Variants in SLCO1A2 observed in about 807,000 individuals in gnomAD.
The protein encoded by SLCO1A2 is solute carrier organic anion transporter family member 1A2, also known as OATP-1.
Under a neutral mutation model 69.0 loss-of-function variants are expected in SLCO1A2, and 67 were observed. The observed-to-expected ratio is 0.97, with a 90% CI of 0.80 to 1.19. SLCO1A2 has a LOEUF of 1.19. Ranked by LOEUF, SLCO1A2 falls within the 50% of genes most tolerant of loss-of-function variation. The pLI, the probability that SLCO1A2 is intolerant of heterozygous loss-of-function variation, is 0.00. For missense variants in SLCO1A2, 787 were observed against 793.7 expected (o/e 0.99, Z 0.10); for synonymous variants, 260 against 265.9 (o/e 0.98, Z 0.22).
chr12:21,312,708 G>A (rs1250603926), intron 4 of SLCO1A2, among the ~76,000 whole-genome samples: 1 of 152,020 alleles, frequency 6.6e-6, no homozygotes, highest in Admixed American at 6.6e-5. Context: ...GGGGGCCCAA[G>A]GAAAGGGCAA....
At chr12:21,347,669 A>AAGGAAGGAAGG (rs1555122068) in intron 2 of SLCO1A2, among the ~76,000 whole-genome samples, 2,286 of 113,466 alleles carry the variant, frequency 0.02, 59 homozygotes, top group African/African-American at 0.055. Flanking sequence ...AGAAAGAAAG[A>AAGGAAGGAAGG]AAGGAAGGAA....
At chr12:21,378,281 C>A (rs761079012) in intron 1 of SLCO1A2, 1 of 1,614,176 alleles carries the variant, frequency 6.2e-7, no homozygotes. Context: ...ACATGTGCAA[C>A]GCAGCGCCTG....
chr12:21,328,240 T>C (rs771539367), intron 2 of SLCO1A2, among the ~76,000 whole-genome samples: 7 of 152,054 alleles, frequency 4.6e-5, no homozygotes, highest in Non-Finnish European at 8.8e-5. Flanking sequence ...ATATCTTCCT[T>C]TGAAATAGAT....
At chr12:21,341,375 T>C (rs980111632) in intron 2 of SLCO1A2, among the ~76,000 whole-genome samples, 3 of 152,060 alleles carry the variant, frequency 2.0e-5, no homozygotes, top group African/African-American at 7.2e-5. Flanking sequence ...TATGCTGTTT[T>C]CCACAAGGAT....
intron 1 of SLCO1A2, among the ~76,000 whole-genome samples, chr12:21,382,355 A>T (rs1940638522): frequency 6.6e-6 from 1 of 152,196 alleles, no homozygotes; most frequent in South Asian, 2.1e-4. Flanking sequence ...GGGGCCAGGA[A>T]TAAAGAACCA....
intron 12 of SLCO1A2, among the ~76,000 whole-genome samples, chr12:21,291,876 A>C (rs1347984440): frequency 6.6e-6 from 1 of 152,116 alleles, no homozygotes; most frequent in East Asian, 1.9e-4. Context: ...GGCCTACCCT[A>C]AGATATAAAT....
At chr12:21,330,163 C>T (rs1952511704) in intron 2 of SLCO1A2, among the ~76,000 whole-genome samples, 1 of 151,866 alleles carries the variant, frequency 6.6e-6, no homozygotes, top group African/African-American at 2.4e-5. Context: ...TTTTCATTTG[C>T]CTATTTTCAA....
intron 2 of SLCO1A2, among the ~76,000 whole-genome samples, chr12:21,341,991 T>G (rs1262292443): frequency 6.6e-6 from 1 of 152,022 alleles, no homozygotes; most frequent in Admixed American, 6.6e-5. Flanking sequence ...GACTCACCTA[T>G]CCTTCCCTTT....
chr12:21,407,251 G>T (rs1941836132), intron 1 of SLCO1A2, among the ~76,000 whole-genome samples: 1 of 152,166 alleles, frequency 6.6e-6, no homozygotes, highest in Non-Finnish European at 1.5e-5. Flanking sequence ...CAAGCGTGGG[G>T]ATCAGCAAAT....
intron 1 of SLCO1A2, among the ~76,000 whole-genome samples, chr12:21,387,922 G>C (rs1940964782): frequency 6.6e-6 from 1 of 152,184 alleles, no homozygotes. Context: ...GGCCATGGAA[G>C]CCCACCTCTT....
At chr12:21,367,068 T>C (rs953899422) in intron 2 of SLCO1A2, among the ~76,000 whole-genome samples, 1 of 152,052 alleles carries the variant, frequency 6.6e-6, no homozygotes, top group Non-Finnish European at 1.5e-5. Context: ...TTTAAATATA[T>C]CAGGAATACA....
chr12:21,289,994 C>G (rs370799711), intron 12 of SLCO1A2, among the ~76,000 whole-genome samples: 1 of 148,812 alleles, frequency 6.7e-6, no homozygotes, highest in African/African-American at 2.6e-5. Context: ...ATAGAGAAAC[C>G]GTTTGTTTTT....
intron 8 of SLCO1A2, among the ~76,000 whole-genome samples, chr12:21,299,799 CGTAT>C (rs201556887): frequency 1.6e-5 from 2 of 127,340 alleles, no homozygotes; most frequent in African/African-American, 5.9e-5. Flanking sequence ...TACACACACA[CGTAT>C]ATATATACAC....
chr12:21,299,428 T>C (rs538641158), intron 8 of SLCO1A2, among the ~76,000 whole-genome samples: 1 of 152,204 alleles, frequency 6.6e-6, no homozygotes, highest in Non-Finnish European at 1.5e-5. Flanking sequence ...ACTATGTGGC[T>C]CAATATTACC....
intron 1 of SLCO1A2, among the ~76,000 whole-genome samples, chr12:21,391,491 C>G (rs946273734): frequency 6.6e-6 from 1 of 152,054 alleles, no homozygotes; most frequent in East Asian, 1.9e-4. Flanking sequence ...TCTTTCTGAG[C>G]ATAATGTATT....
At chr12:21,299,831 C>CGTGT (rs1948392731) in intron 8 of SLCO1A2, among the ~76,000 whole-genome samples, 1 of 140,968 alleles carries the variant, frequency 7.1e-6, no homozygotes, top group African/African-American at 2.6e-5. Context: ...TATACACACA[C>CGTGT]ATATATGTGT....
chr12:21,281,486 A>G (rs1352762672), intron 12 of SLCO1A2, among the ~76,000 whole-genome samples: 1 of 152,044 alleles, frequency 6.6e-6, no homozygotes, highest in African/African-American at 2.4e-5. Context: ...AATAATGCAT[A>G]TTAAAGAATT....
intron 2 of SLCO1A2, among the ~76,000 whole-genome samples, chr12:21,343,977 T>A (rs1953164798): frequency 6.6e-6 from 1 of 152,070 alleles, no homozygotes; most frequent in Admixed American, 6.6e-5. Context: ...AGCAAAGGAA[T>A]CATATGGGTC....
chr12:21,312,959 G>A (rs1167389030), intron 4 of SLCO1A2, among the ~76,000 whole-genome samples: 4 of 152,116 alleles, frequency 2.6e-5, no homozygotes, highest in African/African-American at 9.7e-5. Flanking sequence ...AGTGGCACAT[G>A]CCTGTAGTTT....
Sources: gnomAD v4.1 joint callset for allele counts (sites outside exome capture counted in the v4.1 genomes callset) on GRCh38, gnomAD v4.1.1 for gene constraint, MANE v1.5 for transcripts, NCBI Gene and HGNC (gene_info 2026-07-23, HGNC 2026-07-21) for gene names.